PIAS1: variants seen among roughly 807,000 people sequenced by gnomAD.
PIAS1 encodes E3 SUMO-protein ligase PIAS1.
Under a neutral mutation model 71.3 loss-of-function variants are expected in PIAS1, and 6 were observed. The observed-to-expected ratio is 0.08, with a 90% CI of 0.05 to 0.17. The LOEUF (loss-of-function observed/expected upper bound fraction) is 0.17, where lower values mean the gene tolerates loss of function less well. Ranked by LOEUF, PIAS1 falls within the 10% of genes least tolerant of loss-of-function variation. The pLI is 1.00. For missense variants in PIAS1, 555 were observed against 793.6 expected (o/e 0.70, Z 3.61); for synonymous variants, 303 against 292.9 (o/e 1.03, Z -0.35).
At chr15:68,103,825 A>T (rs2092448327) in intron 2 of PIAS1, among the ~76,000 whole-genome samples, 1 of 152,240 alleles carries the variant, frequency 6.6e-6, no homozygotes, top group African/African-American at 2.4e-5. Context: ...TTATATGGAT[A>T]TACCACATTT....
intron 7 of PIAS1, among the ~76,000 whole-genome samples, chr15:68,163,698 G>A (rs891540734): frequency 1.3e-5 from 2 of 152,126 alleles, no homozygotes; most frequent in Admixed American, 6.5e-5. Flanking sequence ...TAACTTACCC[G>A]AGTACTTCTC....
intron 2 of PIAS1, among the ~76,000 whole-genome samples, chr15:68,111,996 G>A (rs1283135639): frequency 6.6e-6 from 1 of 152,052 alleles, no homozygotes; most frequent in African/African-American, 2.4e-5. Context: ...AACTGTTGTT[G>A]AGCCGTAACT....
chr15:68,176,485 T>C lies in PIAS1; in HGVS notation c.1312T>C (p.Ser438Pro). 1.3e-6 allele frequency: 2 copies of C among 1,596,888 alleles called. No individual in the cohort carries two copies. Among genetic ancestry groups the C allele is most frequent in the Non-Finnish European group, 8.5e-7 (1 of 1,173,840 alleles). Residue 438 changes from serine (S) to proline (P), a missense_variant, in exon 11 of 14, where the codon TCC (serine) becomes CCC (proline). By Grantham distance (74) the Ser-to-Pro change is moderately conservative (BLOSUM62 -1). Coordinates refer to ENST00000249636, the MANE Select transcript of PIAS1 (RefSeq NM_016166.3). ...SYNGVDGCLS[S>P]TLEHQVASHH... ...TCATTCCCATATAGGATGCTTGAGC[T>C]CCACATTGGAGCATCAGGTAGCGTC...
At chr15:68,184,523 C>G (rs967447564) in intron 13 of PIAS1, 2 of 152,124 alleles carry the variant, frequency 1.3e-5, no homozygotes, top group Admixed American at 1.3e-4. Flanking sequence ...AAGACTGGAC[C>G]CAACTACAGT....
At chr15:68,121,013 TTAAA>T (rs2092608906) in intron 2 of PIAS1, among the ~76,000 whole-genome samples, 1 of 152,212 alleles carries the variant, frequency 6.6e-6, no homozygotes, top group Non-Finnish European at 1.5e-5. Context: ...TTGTGGATAC[TTAAA>T]TAAACAATTC....
chr15:68,112,558 T>A (rs1256944566), intron 2 of PIAS1, among the ~76,000 whole-genome samples: 1 of 152,090 alleles, frequency 6.6e-6, no homozygotes, highest in Non-Finnish European at 1.5e-5. Flanking sequence ...TAAATCTTTT[T>A]AAAAAATGTA....
chr15:68,055,884 A>G (rs776728276), intron 1 of PIAS1: 3 of 700,580 alleles, frequency 4.3e-6, no homozygotes, highest in South Asian at 1.5e-5. Flanking sequence ...TAACTTCACA[A>G]TGTTTACACT....
chr15:68,062,298 G>A (rs746970617), intron 1 of PIAS1, among the ~76,000 whole-genome samples: 6 of 152,154 alleles, frequency 3.9e-5, no homozygotes, highest in Admixed American at 1.3e-4. Flanking sequence ...TTCTTAGAGG[G>A]AATCATTTTG....
At chr15:68,101,091 G>T (rs1407277363) in intron 2 of PIAS1, among the ~76,000 whole-genome samples, 1 of 151,754 alleles carries the variant, frequency 6.6e-6, no homozygotes, top group Non-Finnish European at 1.5e-5. Flanking sequence ...GTAGAGACAG[G>T]GTTTCACCAT....
intron 8 of PIAS1, among the ~76,000 whole-genome samples, chr15:68,166,690 G>A (rs957252168): frequency 6.6e-6 from 1 of 152,154 alleles, no homozygotes. Flanking sequence ...CATATATGAA[G>A]CATTTATTCG....
Position 68,175,670 on chromosome 15 carries a change from C to G in PIAS1, c.1203C>G (p.Asp401Glu). Residue 401 changes from aspartate to glutamate, a missense_variant, in exon 10 of 14, where the codon GAC becomes GAG. Transcript: ENST00000249636. ...LFMEILKYCTDCDEIQFKEDG... is the reference protein window; with the variant it reads ...LFMEILKYCTECDEIQFKEDG... ...TGGAAATCCTAAAGTACTGTACAGA[C>G]TGTGATGAAATACAATTTAAGGAGG... The G allele has an allele frequency of 6.3e-7, 1 of 1,586,342 alleles. No homozygotes were observed. The highest frequency in any genetic ancestry group is 8.6e-7 in the Non-Finnish European group (1 of 1,160,400).
intron 1 of PIAS1, among the ~76,000 whole-genome samples, chr15:68,068,140 A>C (rs1371882395): frequency 6.6e-6 from 1 of 152,192 alleles, no homozygotes; most frequent in Non-Finnish European, 1.5e-5. Flanking sequence ...TGGGAGGCTG[A>C]AGTGTGCAGA....
chr15:68,119,303 G>C (rs944629740), intron 2 of PIAS1, among the ~76,000 whole-genome samples: 1 of 127,570 alleles, frequency 7.8e-6, no homozygotes, highest in African/African-American at 2.9e-5. Context: ...ACATACTCCA[G>C]ACGTGGTGGC....
At chr15:68,124,487 C>T (rs1046609961) in intron 2 of PIAS1, among the ~76,000 whole-genome samples, 5 of 151,358 alleles carry the variant, frequency 3.3e-5, no homozygotes, top group South Asian at 2.1e-4. Flanking sequence ...TTTGGGAGGC[C>T]GAGGCTGGCG....
chr15:68,097,425 TTAA>T (rs2092385283), intron 2 of PIAS1, among the ~76,000 whole-genome samples: 1 of 152,034 alleles, frequency 6.6e-6, no homozygotes, highest in Admixed American at 6.6e-5. Flanking sequence ...TTGTAATTAA[TTAA>T]TTAATTTATT....
intron 2 of PIAS1, among the ~76,000 whole-genome samples, chr15:68,088,380 A>T (rs1468671321): frequency 6.6e-6 from 1 of 151,700 alleles, no homozygotes; most frequent in Non-Finnish European, 1.5e-5. Context: ...TATATTCGCA[A>T]ATTCAGTGTT....
chr15:68,086,297 T>C lies in PIAS1; in HGVS notation c.25-9T>C. On this transcript the variant is annotated splice_polypyrimidine_tract_variant and intron_variant, in intron 1 of 13. Coordinates refer to ENST00000249636, the MANE Select transcript of PIAS1 (RefSeq NM_016166.3). This position sits in a 1 kb window ranked among gnomAD's most constrained non-coding sequence, Gnocchi z 7.2. ...ATACTAATGTTTTACATTTTGTTTT[T>C]TCTCTAAGCAAATGGTTATGAGCCT... The C allele has an allele frequency of 6.5e-7, 1 of 1,540,982 alleles. No homozygotes were observed. Among genetic ancestry groups the C allele is most frequent in the Non-Finnish European group, 8.8e-7 (1 of 1,141,660 alleles).
chr15:68,160,929 T>G (rs1380635757), intron 7 of PIAS1, among the ~76,000 whole-genome samples: 1 of 152,154 alleles, frequency 6.6e-6, no homozygotes, highest in Non-Finnish European at 1.5e-5. Flanking sequence ...AGCGTTGCCC[T>G]AGAGATCCTA....
At chr15:68,114,063 T>TACAC (rs1317527999) in intron 2 of PIAS1, among the ~76,000 whole-genome samples, 166 of 56,142 alleles carry the variant, frequency 3.0e-3, no homozygotes, top group Middle Eastern at 0.026. Flanking sequence ...CACACACACT[T>TACAC]ATATACATGT....
Sources: gnomAD v4.1 joint callset for allele counts (sites outside exome capture counted in the v4.1 genomes callset) on GRCh38, gnomAD v4.1.1 for gene constraint, Gnocchi (gnomAD v3.1) non-coding constraint, MANE v1.5 for transcripts, NCBI Gene and HGNC (gene_info 2026-07-23, HGNC 2026-07-21) for gene names.